KDF1: variants seen among roughly 807,000 people sequenced by gnomAD.
KDF1 encodes RP11-344H11.3.
KDF1 carries 11 observed loss-of-function variants against 31.6 expected under a neutral mutation model. That is an observed-to-expected ratio of 0.35 (90% confidence interval 0.22 to 0.58). The LOEUF is 0.58. Ranked by LOEUF, KDF1 falls within the 20% of genes least tolerant of loss-of-function variation. The pLI is 0.83. For missense variants in KDF1, 476 were observed against 549.1 expected, an observed-to-expected ratio of 0.87 and a Z score of 1.33; for synonymous variants, 205 against 214.4, an observed-to-expected ratio of 0.96 and a Z score of 0.38.
chr1:26,959,939 C>T (rs952292207), intron 1 of KDF1, among the ~76,000 whole-genome samples: 4 of 152,152 alleles, frequency 2.6e-5, no homozygotes, highest in African/African-American at 7.2e-5. Flanking sequence ...GGCACTGTCC[C>T]CCGGGCTACC....
rs371018879 is a variant in KDF1, at chr1:26,950,643, C to T, written c.1114+39G>A. 1.1e-5 allele frequency: 17 copies of T among 1,558,972 alleles called. No individual in the cohort carries two copies. The African/African-American group carries it at 2.2e-4, about 20-fold the overall frequency. On this transcript the variant is annotated intron_variant, in intron 3 of 3. Transcript: ENST00000320567. The surrounding 1 kb of genome is among the most constrained non-coding windows in gnomAD (Gnocchi z 4.0). ...GCAGGTGAGGGGCCCCTAGGGTAGT[C>T]CCCCACCCTCCACACCCCTCATTAG... is the stretch of plus-strand genomic sequence containing the variant.
rs1435047394 is a variant in KDF1, at chr1:26,952,608, T to G, written c.-32-196A>C. 6.6e-6 allele frequency among the ~76,000 whole-genome samples: 1 copy of G among 151,146 alleles called. No homozygotes were observed. The highest frequency in any genetic ancestry group is 1.5e-5 in the Non-Finnish European group (1 of 67,978). Reference sequence around the variant, plus strand: ...AACCCTTATCTCTTGTGGCCCTCCCTCCACAAAGAGAAAGTCTCTGTGGTC... The same window carrying G: ...AACCCTTATCTCTTGTGGCCCTCCCGCCACAAAGAGAAAGTCTCTGTGGTC... On this transcript the variant is annotated intron_variant, in intron 1 of 3. Coordinates refer to ENST00000320567, the MANE Select transcript of KDF1 (RefSeq NM_152365.3). The surrounding 1 kb of genome is among the most constrained non-coding windows in gnomAD (Gnocchi z 4.1).
intron 1 of KDF1, among the ~76,000 whole-genome samples, chr1:26,957,484 A>C (rs2082382196): frequency 6.6e-6 from 1 of 152,162 alleles, no homozygotes; most frequent in Admixed American, 6.5e-5. Context: ...GGTCTGGAAC[A>C]GGGTTTGGTA....
At chr1:26,955,959 A>C (rs1247350509) in intron 1 of KDF1, among the ~76,000 whole-genome samples, 1 of 152,234 alleles carries the variant, frequency 6.6e-6, no homozygotes, top group Non-Finnish European at 1.5e-5. Context: ...CATCTCAAAC[A>C]AACAAACAAA....
At chr1:26,957,352 A>G (rs1482272370) in intron 1 of KDF1, among the ~76,000 whole-genome samples, 2 of 152,120 alleles carry the variant, frequency 1.3e-5, no homozygotes, top group Non-Finnish European at 2.9e-5. Context: ...CCCTCTCCCC[A>G]TGGCCTTCTG....
In KDF1 at chr1:26,950,041, A is replaced by G. The variant is rs779680130; in HGVS notation, c.*28T>C. ...TCTGTAGGCCATGCTTCTCCCAGAAAGGGTGTGGCAGCTGGGCCTGGCAGG... is the reference window on the plus strand; with the variant it reads ...TCTGTAGGCCATGCTTCTCCCAGAAGGGGTGTGGCAGCTGGGCCTGGCAGG... On this transcript the variant is annotated 3_prime_UTR_variant, in exon 4 of 4. Coordinates refer to ENST00000320567, the MANE Select transcript of KDF1 (RefSeq NM_152365.3). This position sits in a 1 kb window ranked among gnomAD's most constrained non-coding sequence, Gnocchi z 4.0. 1.3e-6 allele frequency: 2 copies of G among 1,594,116 alleles called. No individual in the cohort carries two copies. The highest frequency in any genetic ancestry group is 1.7e-6 in the Non-Finnish European group (2 of 1,162,210).
chr1:26,952,426 G>C lies in KDF1; in HGVS notation c.-32-14C>G. ...GCAGCCAGGCACCTGCGTGGGGAGA[G>C]GCCAGGAAGGAGTCAGGATCAGAGG... On this transcript the variant is annotated splice_polypyrimidine_tract_variant and intron_variant, in intron 1 of 3. Transcript: ENST00000320567. This position sits in a 1 kb window ranked among gnomAD's most constrained non-coding sequence, Gnocchi z 4.1. 1.4e-6 allele frequency: 2 copies of C among 1,467,750 alleles called. No individual in the cohort carries two copies. Among genetic ancestry groups the C allele is most frequent in the South Asian group, 2.7e-5 (2 of 73,026 alleles). 90.9% of individuals were successfully genotyped at this position (1,467,750 alleles called of 1,614,324 possible).
At position 26,950,419 on chromosome 1, in the gene KDF1, T is replaced by C. The variant is rs2082342407; in HGVS notation, c.1114+263A>G. Among the ~76,000 whole-genome samples, 1 of 152,194 alleles carries C rather than the reference T, an allele frequency of 6.6e-6. No individual in the cohort carries two copies. The highest frequency in any genetic ancestry group is 6.5e-5 in the Admixed American group (1 of 15,276). On this transcript the variant is annotated intron_variant, in intron 3 of 3. Transcript: ENST00000320567. This position sits in a 1 kb window ranked among gnomAD's most constrained non-coding sequence, Gnocchi z 4.0. ...CCACACGGGTGTCTTTCCAGCACCA[T>C]GCTGGATGGCTCCCCACCCACTACT... is the stretch of plus-strand genomic sequence containing the variant.
chr1:26,952,242 G>C lies in KDF1; in HGVS notation c.139C>G (p.Pro47Ala), dbSNP rs780318215. 6.2e-7 allele frequency: 1 copy of C among 1,603,540 alleles called. No homozygotes were observed. Among genetic ancestry groups the C allele is most frequent in the East Asian group, 2.2e-5 (1 of 44,710 alleles). Reference sequence around the variant, plus strand: ...GGCCCATGGTGGCCAGGGTCCTTGGGGTCTGGTCTACGGGTGCGGCGGCTT... The same window carrying C: ...GGCCCATGGTGGCCAGGGTCCTTGGCGTCTGGTCTACGGGTGCGGCGGCTT... ...PPSRRTRRPD[P>A]KDPGHHGPES... Residue 47 changes from proline (P) to alanine (A), a missense_variant, in exon 2 of 4, where the codon CCC becomes GCC. Physicochemically the swap from Pro to Ala is conservative, Grantham distance 27 (BLOSUM62 -1). Around this residue, in one of 2 missense-constraint regions of KDF1, gnomAD observed 330 missense variants for 332.3 expected, o/e 0.99. Coordinates refer to ENST00000320567, the MANE Select transcript of KDF1 (RefSeq NM_152365.3). The surrounding 1 kb of genome is among the most constrained non-coding windows in gnomAD (Gnocchi z 4.1).
chr1:26,952,537 C>T lies in KDF1; in HGVS notation c.-32-125G>A. 3 of 652,186 alleles carry T rather than the reference C, an allele frequency of 4.6e-6. No individual in the cohort carries two copies. Among genetic ancestry groups the T allele is most frequent in the Non-Finnish European group, 7.1e-6 (3 of 424,746 alleles). 40.4% of individuals were successfully genotyped at this position (652,186 alleles called of 1,614,324 possible). ...GGGATGTGGATGGACCCAAGTATGC[C>T]CAAAAACCCTTGCCTGGGATGTGGA... On this transcript the variant is annotated intron_variant, in intron 1 of 3. Coordinates refer to ENST00000320567, the MANE Select transcript of KDF1 (RefSeq NM_152365.3). This position sits in a 1 kb window ranked among gnomAD's most constrained non-coding sequence, Gnocchi z 4.1.
Position 26,952,826 on chromosome 1 carries a change from C to CA in KDF1, c.-32-415dup, listed in dbSNP as rs976266731. 2.6e-5 allele frequency among the ~76,000 whole-genome samples: 4 copies of CA among 151,420 alleles called. No homozygotes were observed. Among genetic ancestry groups the CA allele is most frequent in the African/African-American group, 9.7e-5 (4 of 41,316 alleles). On this transcript the variant is annotated intron_variant, in intron 1 of 3. Transcript: ENST00000320567. This position sits in a 1 kb window ranked among gnomAD's most constrained non-coding sequence, Gnocchi z 4.1. ...TGAAACTCCGTCTCTACTAAAAATA[C>CA]AAAAAAAATTAGCCAGGTATAGTGG...
At position 26,950,545 on chromosome 1, in the gene KDF1, G is replaced by T; in HGVS notation, c.1114+137C>A. ...TAAGCCAGCTTGCTAGATGGAGACA[G>T]GTCTGTGGCTGCTTAGGTCCCCGTC... On this transcript the variant is annotated intron_variant, in intron 3 of 3. Coordinates refer to ENST00000320567, the MANE Select transcript of KDF1 (RefSeq NM_152365.3). This position sits in a 1 kb window ranked among gnomAD's most constrained non-coding sequence, Gnocchi z 4.0. 1.3e-6 allele frequency: 1 copy of T among 745,116 alleles called. No homozygotes were observed. Among genetic ancestry groups the T allele is most frequent in the African/African-American group, 1.7e-5 (1 of 57,488 alleles). The allele number at this position is 745,116 out of a possible 1,614,324, so 46.2% of individuals were successfully genotyped here.
rs761717950 is a variant in KDF1 at position 26,952,083 on chromosome 1, G to A, written c.298C>T (p.Gln100Ter). The change falls in exon 2 of 4, where the codon CAG (glutamine) becomes TAG (stop). Residue 100 changes from glutamine to a stop codon, truncating the protein, a stop_gained. Coordinates refer to ENST00000320567, the MANE Select transcript of KDF1 (RefSeq NM_152365.3). LOFTEE classifies it high-confidence loss of function. The surrounding 1 kb of genome is among the most constrained non-coding windows in gnomAD (Gnocchi z 4.1). ...CCCCGCACACAGGCTCCACAGCGCT[G>A]GAGGCAATCCCGGCAGCGGCGGAAG... The part of the protein sequence containing the change: ...FCFRRCRDCL[Q>*]RCGACVRGCS... 5 of 1,613,228 alleles carry A rather than the reference G, an allele frequency of 3.1e-6. No individual in the cohort carries two copies. In the African/African-American group the frequency reaches 4.0e-5, roughly 13 times the overall value.
rs1222040567 is a variant in KDF1, at chr1:26,951,701, G to A, written c.680C>T (p.Pro227Leu). 14 of 1,613,672 alleles carry A rather than the reference G, an allele frequency of 8.7e-6. No individual in the cohort carries two copies. The highest frequency in any genetic ancestry group is 1.1e-5 in the Non-Finnish European group (13 of 1,180,018). Residue 227 changes from proline (P) to leucine (L), a missense_variant, in exon 2 of 4, where the codon CCG becomes CTG. By Grantham distance (98) the Pro-to-Leu change is moderately conservative. Transcript: ENST00000320567. This position sits in a 1 kb window ranked among gnomAD's most constrained non-coding sequence, Gnocchi z 5.4. ...CGACATGGAGCCACTGCCCATCTCC[G>A]GCAGGTCCAGGTCCGACTCATGGAA... ...YSFHESDLDL[P>L]EMGSGSMSSR...
rs1454152381 is a variant in KDF1 at position 26,951,508 on chromosome 1, C to T, written c.873G>A (p.Gln291=). 6.2e-6 allele frequency: 10 copies of T among 1,613,428 alleles called. No homozygotes were observed. The East Asian group carries it at 2.2e-4, about 36-fold the overall frequency. Residue 291 remains glutamine, a synonymous_variant, in exon 2 of 4, where the codon CAG becomes CAA. Transcript: ENST00000320567. The surrounding 1 kb of genome is among the most constrained non-coding windows in gnomAD (Gnocchi z 5.4). ...CGCGTACCAGGCGGCCCTCAGCATCCTGCTCATCCAGGTGGTAGTCCTGCG... is the reference window on the plus strand; with the variant it reads ...CGCGTACCAGGCGGCCCTCAGCATCTTGCTCATCCAGGTGGTAGTCCTGCG... ...SITQDYHLDE[Q]DAEGRLVRGI... is the part of the protein sequence containing the mutation.
intron 1 of KDF1, among the ~76,000 whole-genome samples, chr1:26,958,272 G>A (rs570294472): frequency 1.8e-4 from 27 of 151,374 alleles, no homozygotes; most frequent in African/African-American, 6.6e-4. Flanking sequence ...TGAGTGGCTG[G>A]GACTACAGGC....
rs560039644 is a variant in KDF1 at position 26,952,948 on chromosome 1, C to T, written c.-32-536G>A. 1.4e-3 allele frequency among the ~76,000 whole-genome samples: 217 copies of T among 151,126 alleles called. No homozygotes were observed. The highest frequency in any genetic ancestry group is 5.0e-3 in the African/African-American group (207 of 41,050). ...GCAGTGAGCCAAGATCACGCCATTG[C>T]ACTCCAGCCTGGGCAACAGGGCGAG... On this transcript the variant is annotated intron_variant, in intron 1 of 3. Coordinates refer to ENST00000320567, the MANE Select transcript of KDF1 (RefSeq NM_152365.3). The surrounding 1 kb of genome is among the most constrained non-coding windows in gnomAD (Gnocchi z 4.1).
Position 26,952,826 on chromosome 1 carries a change from C to A in KDF1, c.-32-414G>T, listed in dbSNP as rs1557686949. 1.3e-5 allele frequency among the ~76,000 whole-genome samples: 2 copies of A among 151,420 alleles called. No individual in the cohort carries two copies. Among genetic ancestry groups the A allele is most frequent in the Admixed American group, 6.6e-5 (1 of 15,202 alleles). ...TGAAACTCCGTCTCTACTAAAAATA[C>A]AAAAAAAATTAGCCAGGTATAGTGG... On this transcript the variant is annotated intron_variant, in intron 1 of 3. Transcript: ENST00000320567. The surrounding 1 kb of genome is among the most constrained non-coding windows in gnomAD (Gnocchi z 4.1).
At chr1:26,954,922 A>G (rs1043411155) in intron 1 of KDF1, among the ~76,000 whole-genome samples, 1 of 147,276 alleles carries the variant, frequency 6.8e-6, no homozygotes, top group Non-Finnish European at 1.5e-5. Context: ...GCAATGGCGC[A>G]TTCTCGGCTC....
Sources: allele counts gnomAD v4.1 joint callset (sites outside exome capture counted in the v4.1 genomes callset), GRCh38; gene constraint gnomAD v4.1.1; regional missense constraint gnomAD v4.1.1; non-coding constraint Gnocchi (gnomAD v3.1); transcripts MANE v1.5; gene names NCBI Gene and HGNC (gene_info 2026-07-23, HGNC 2026-07-21).